Variants in CS observed in about 807,000 individuals in gnomAD.
The protein encoded by CS is citrate synthase.
CS carries 13 observed loss-of-function variants against 61.4 expected under a neutral mutation model. The observed-to-expected ratio is 0.21, with a 90% CI of 0.14 to 0.34. The LOEUF is 0.34. Ranked by LOEUF, CS falls within the 10% of genes least tolerant of loss-of-function variation. The pLI, the probability that CS is intolerant of heterozygous loss-of-function variation, is 1.00. For missense variants in CS, 278 were observed against 573.4 expected (o/e 0.48, Z 5.26); for synonymous variants, 159 against 215.2 (o/e 0.74, Z 2.29).
rs555027923 is a variant in CS at position 56,292,973 on chromosome 12, C to T, written c.43-6328G>A. 2.6e-5 allele frequency among the ~76,000 whole-genome samples: 4 copies of T among 151,880 alleles called. No individual in the cohort carries two copies. In the South Asian group the frequency reaches 6.2e-4, roughly 24 times the overall value. On this transcript the variant is annotated intron_variant, in intron 1 of 10. Coordinates refer to ENST00000351328, the MANE Select transcript of CS (RefSeq NM_004077.3). ...TTTATGTTCAAGTGCTATTTCTTTACAGCACCAGGGAACAAGCATTTCAAA... is the reference window on the plus strand; with the variant it reads ...TTTATGTTCAAGTGCTATTTCTTTATAGCACCAGGGAACAAGCATTTCAAA...
intron 6 of CS, among the ~76,000 whole-genome samples, chr12:56,278,810 G>A (rs1408459610): frequency 6.6e-6 from 1 of 151,904 alleles, no homozygotes; most frequent in Non-Finnish European, 1.5e-5. Context: ...GTCTCGCTCT[G>A]TCACCCAGGC....
Position 56,300,253 on chromosome 12 carries a change from G to C in CS, c.-52C>G. The C allele has an allele frequency of 1.3e-6, 2 of 1,525,680 alleles. No homozygotes were observed. The highest frequency in any genetic ancestry group is 1.8e-6 in the Non-Finnish European group (2 of 1,132,202). The allele number at this position is 1,525,680 out of a possible 1,614,324, so 94.5% of individuals were successfully genotyped here. A position where few individuals can be genotyped will look rare whatever the true frequency, so the allele number is the denominator to read the frequency against. On this transcript the variant is annotated 5_prime_UTR_variant, in exon 1 of 11. Transcript: ENST00000351328. ...GGAGGTAAGAAAGGGAGAGAGCTGC[G>C]GCAGGAACAGGAGCCGCCGCCGCTG...
intron 1 of CS, chr12:56,291,135 C>A: frequency 1.6e-6 from 1 of 640,550 alleles, no homozygotes; most frequent in South Asian, 1.8e-5. Flanking sequence ...AAATAATTTT[C>A]ATAAAAGCAT....
chr12:56,286,787 CCAAA>C (rs1872953239), intron 1 of CS, 142 bp from the exon 2 acceptor site: 8 of 735,440 alleles, frequency 1.1e-5, no homozygotes, highest in African/African-American at 3.5e-5. Flanking sequence ...GTAAAAGTCC[CCAAA>C]CAGTTTGGAA....
chr12:56,297,587 C>T (rs2135928021), intron 1 of CS, among the ~76,000 whole-genome samples: 1 of 152,232 alleles, frequency 6.6e-6, no homozygotes, highest in Middle Eastern at 3.4e-3. Flanking sequence ...CCTGCTAACC[C>T]CAGCTACTCA....
chr12:56,279,367 A>G (rs772474662), intron 6 of CS, among the ~76,000 whole-genome samples: 2 of 151,792 alleles, frequency 1.3e-5, no homozygotes. Context: ...GCTGGGCACC[A>G]TGGCTCACTC....
Position 56,273,569 on chromosome 12 carries a change from A to C in CS, c.1230+18T>G, listed in dbSNP as rs1375723511. ...GTTTGGTACAAATTAGAGGGAAAAG[A>C]GGGAAAGGAGGACTTACCTGGAGCA... On this transcript the variant is annotated intron_variant, in intron 10 of 10. Coordinates refer to ENST00000351328, the MANE Select transcript of CS (RefSeq NM_004077.3). 1 of 1,611,790 alleles carries C rather than the reference A, an allele frequency of 6.2e-7. No individual in the cohort carries two copies.
chr12:56,284,897 CAAAAA>C (rs71081341), intron 3 of CS, among the ~76,000 whole-genome samples: 1 of 99,898 alleles, frequency 1.0e-5, no homozygotes. Context: ...GACTCCGTCC[CAAAAA>C]AAAAAAAAAA....
In CS at chr12:56,276,128, T is replaced by C. The variant is rs757651408; in HGVS notation, c.656A>G (p.Asn219Ser). The change falls in exon 7 of 11, where the codon AAT becomes AGT. Residue 219 changes from asparagine to serine, a missense_variant. By Grantham distance (46) the Asn-to-Ser change is conservative. This residue lies in a region of CS where 223 missense variants were observed against 503.5 expected (regional missense o/e 0.44). Transcript: ENST00000351328. Reference sequence around the variant, plus strand: ...AATACCGCTGCCTTCTCTGTAGAGATTTCGGTAGATCTTTGCTGCAACACA... The same window carrying C: ...AATACCGCTGCCTTCTCTGTAGAGACTTCGGTAGATCTTTGCTGCAACACA... ...LPCVAAKIYR[N>S]LYREGSGIGA... 6.2e-7 allele frequency: 1 copy of C among 1,614,104 alleles called. No homozygotes were observed. The highest frequency in any genetic ancestry group is 8.5e-7 in the Non-Finnish European group (1 of 1,180,026).
chr12:56,281,617 A>G (rs1282021147), intron 6 of CS, among the ~76,000 whole-genome samples: 1 of 152,194 alleles, frequency 6.6e-6, no homozygotes, highest in African/African-American at 2.4e-5. Context: ...CTAGCATGAG[A>G]CTGCTCTGTG....
At chr12:56,296,973 C>T (rs1873326578) in intron 1 of CS, among the ~76,000 whole-genome samples, 1 of 152,094 alleles carries the variant, frequency 6.6e-6, no homozygotes, top group Admixed American at 6.6e-5. Flanking sequence ...TTTGTTGAAC[C>T]CAATTTCTGA....
At chr12:56,277,589 C>T (rs1363122208) in intron 6 of CS, among the ~76,000 whole-genome samples, 1 of 151,142 alleles carries the variant, frequency 6.6e-6, no homozygotes, top group Non-Finnish European at 1.5e-5. Flanking sequence ...AAGGATCAAA[C>T]AGTGATATGC....
intron 6 of CS, 108 bp from the exon 7 acceptor site, chr12:56,276,303 G>C (rs1197529736): frequency 2.1e-6 from 2 of 954,896 alleles, no homozygotes; most frequent in Non-Finnish European, 3.2e-6. Context: ...TGGGTTGATG[G>C]TTAGTTATAT....
At chr12:56,291,112 A>G in intron 1 of CS, 1 of 498,040 alleles carries the variant, frequency 2.0e-6, no homozygotes, top group Non-Finnish European at 3.1e-6. Context: ...AGAGTAGTTA[A>G]GTAAACTAAA....
chr12:56,274,636 C>A, intron 9 of CS, 141 bp downstream of exon 9: 1 of 674,510 alleles, frequency 1.5e-6, no homozygotes, highest in Non-Finnish European at 2.4e-6. Flanking sequence ...CCTAGAAATT[C>A]TTTTCTAAAT....
At chr12:56,282,250 T>C (rs1424670345) in intron 6 of CS, 170 bp downstream of exon 6, 4 of 555,264 alleles carry the variant, frequency 7.2e-6, no homozygotes, top group Non-Finnish European at 1.2e-5. Context: ...CTACTTAGCT[T>C]TGTAATTCCA....
chr12:56,295,862 G>C (rs1435932694), intron 1 of CS, among the ~76,000 whole-genome samples: 1 of 147,998 alleles, frequency 6.8e-6, no homozygotes, highest in South Asian at 2.2e-4. Context: ...GCTGAGGCAG[G>C]AGAATGGCGT....
intron 3 of CS, chr12:56,285,333 A>C: frequency 2.6e-6 from 1 of 380,308 alleles, no homozygotes; most frequent in Non-Finnish European, 5.4e-6. Flanking sequence ...CCCAGGCTAT[A>C]CTACAGTGGC....
At chr12:56,299,896 G>A in intron 1 of CS, 2 of 419,582 alleles carry the variant, frequency 4.8e-6, no homozygotes, top group Non-Finnish European at 8.6e-6. Flanking sequence ...TTTCAGACAT[G>A]CGGGGTGACA....
Sources: gnomAD v4.1 joint callset for allele counts (sites outside exome capture counted in the v4.1 genomes callset) on GRCh38, gnomAD v4.1.1 for gene constraint, gnomAD v4.1.1 regional missense constraint, MANE v1.5 for transcripts, NCBI Gene and HGNC (gene_info 2026-07-23, HGNC 2026-07-21) for gene names.